The following SCUBE1 variants were observed in gnomAD, a reference collection of about 807,000 sequenced individuals.
The protein encoded by SCUBE1 is signal peptide, CUB domain and EGF like domain containing 1.
Under a neutral mutation model 124.4 loss-of-function variants are expected in SCUBE1, and 59 were observed. That is an observed-to-expected ratio of 0.47 (90% CI 0.38 to 0.59). The LOEUF (loss-of-function observed/expected upper bound fraction) is 0.59, where lower values mean the gene tolerates loss of function less well. Ranked by LOEUF, SCUBE1 falls within the 20% of genes least tolerant of loss-of-function variation. SCUBE1 has a pLI of 0.00. For synonymous variants in SCUBE1, 545 were observed against 550.9 expected, an observed-to-expected ratio of 0.99 and a Z score of 0.15; for missense variants, 1,150 against 1,371.2, an observed-to-expected ratio of 0.84 and a Z score of 2.55.
intron 19 of SCUBE1, 152 bp downstream of exon 19, chr22:43,209,891 C>T (rs1921466114): frequency 1.3e-6 from 1 of 757,116 alleles, no homozygotes; most frequent in Non-Finnish European, 2.0e-6. Flanking sequence ...TCAACCCTGC[C>T]TCCCAGGTGG....
intron 2 of SCUBE1, among the ~76,000 whole-genome samples, chr22:43,336,067 A>G (rs1204779804): frequency 6.6e-6 from 1 of 152,170 alleles, no homozygotes; most frequent in African/African-American, 2.4e-5. Flanking sequence ...TATATGGAGC[A>G]CACTCTACGG....
At position 43,336,853 on chromosome 22, in the gene SCUBE1, C is replaced by T. The variant is rs115674724; in HGVS notation, c.220+2251G>A. Among the ~76,000 whole-genome samples the T allele has an allele frequency of 5.0e-3, 754 of 152,192 alleles. 9 individuals are homozygous for T. The highest frequency in any genetic ancestry group is 0.017 in the African/African-American group (709 of 41,512). On this transcript the variant is annotated intron_variant, in intron 2 of 21. Transcript: ENST00000360835. ...TTAGCCTTCAGATTTAGACAGGATA[C>T]AGAAAGAAGGTAAGGAGCTCCAGGC...
Position 43,231,743 on chromosome 22 carries a change from AG to A in SCUBE1, c.967+9del. 2.5e-6 allele frequency: 4 copies of A among 1,572,792 alleles called. No homozygotes were observed. The highest frequency in any genetic ancestry group is 3.5e-6 in the Non-Finnish European group (4 of 1,158,904). On this transcript the variant is annotated intron_variant, in intron 8 of 21. Coordinates refer to ENST00000360835, the MANE Select transcript of SCUBE1 (RefSeq NM_173050.5). The stretch of plus-strand genomic sequence containing the variant: ...GCCCGAGAGCCACCCGGGGCATGGC[AG>A]GGGCTCACCCTGGCAGGTGCGCTCG...
At chr22:43,222,594 A>C in intron 12 of SCUBE1, 44 bp downstream of exon 12, 1 of 1,417,244 alleles carries the variant, frequency 7.1e-7, no homozygotes, top group Non-Finnish European at 9.6e-7. Context: ...GGATGCAGTC[A>C]AGTCACCCAG....
chr22:43,255,980 C>T lies in SCUBE1; in HGVS notation c.727+2239G>A, dbSNP rs891616644. Among the ~76,000 whole-genome samples the T allele has an allele frequency of 6.6e-6, 1 of 152,170 alleles. No individual in the cohort carries two copies. Among genetic ancestry groups the T allele is most frequent in the Non-Finnish European group, 1.5e-5 (1 of 68,036 alleles). On this transcript the variant is annotated intron_variant, in intron 6 of 21. Coordinates refer to ENST00000360835, the MANE Select transcript of SCUBE1 (RefSeq NM_173050.5). The surrounding 1 kb of genome is among the most constrained non-coding windows in gnomAD (Gnocchi z 4.7). ...CAAGTGATTACAGACCCCCGTGGCT[C>T]AGGCTGGAGAGGCAGGCACAGGACA...
Position 43,199,911 on chromosome 22 carries a change from G to C in SCUBE1, c.*4086C>G, listed in dbSNP as rs1601786134. ...TGCAGGCTGCCCTCAGCGGCTATAT[G>C]AGCCCTCAATCACGGAGGGCCTGGC... On this transcript the variant is annotated 3_prime_UTR_variant, in exon 22 of 22. Transcript: ENST00000360835. 6.6e-6 allele frequency: 1 copy of C among 152,302 alleles called. No homozygotes were observed. The highest frequency in any genetic ancestry group is 1.5e-5 in the Non-Finnish European group (1 of 68,112). The allele number at this position is 152,302 out of a possible 1,614,324, so 9.4% of individuals were successfully genotyped here.
intron 6 of SCUBE1, among the ~76,000 whole-genome samples, chr22:43,244,631 A>G (rs949972127): frequency 2.0e-5 from 3 of 152,188 alleles, no homozygotes; most frequent in African/African-American, 7.2e-5. Flanking sequence ...GTGGTGCACA[A>G]TGGGAAGTGG....
At chr22:43,237,992 T>A (rs1398882067) in intron 7 of SCUBE1, 1 of 152,528 alleles carries the variant, frequency 6.6e-6, no homozygotes, top group Non-Finnish European at 1.5e-5. Flanking sequence ...GGCCCACAGC[T>A]TCTTGGGGCT....
intron 12 of SCUBE1, among the ~76,000 whole-genome samples, chr22:43,222,098 G>A (rs1462409026): frequency 6.6e-6 from 1 of 152,046 alleles, no homozygotes; most frequent in East Asian, 1.9e-4. Context: ...GAAACATACA[G>A]AAATGCACCT....
intron 6 of SCUBE1, among the ~76,000 whole-genome samples, chr22:43,254,426 T>G (rs1791025671): frequency 6.6e-6 from 1 of 152,196 alleles, no homozygotes; most frequent in Non-Finnish European, 1.5e-5. Context: ...TGGGTCCCCC[T>G]GAGGTCCGCA....
chr22:43,263,845 T>C (rs535591732), intron 4 of SCUBE1, among the ~76,000 whole-genome samples: 38 of 152,230 alleles, frequency 2.5e-4, no homozygotes, highest in Non-Finnish European at 4.0e-4. Context: ...ATTGTTGGAA[T>C]GACGCAGAGT....
intron 1 of SCUBE1, 88 bp downstream of exon 1, chr22:43,343,086 G>C: frequency 3.4e-6 from 2 of 587,130 alleles, no homozygotes; most frequent in Non-Finnish European, 4.5e-6. Context: ...GCGAGCTCGG[G>C]ATCCGCGGGG....
intron 21 of SCUBE1, among the ~76,000 whole-genome samples, chr22:43,206,015 A>T (rs1257229580): frequency 8.1e-6 from 1 of 122,724 alleles, no homozygotes; most frequent in East Asian, 2.8e-4. Context: ...CCCTATATAC[A>T]TACCACACAC....
intron 3 of SCUBE1, among the ~76,000 whole-genome samples, chr22:43,298,107 G>A (rs372461083): frequency 1.3e-5 from 2 of 152,216 alleles, no homozygotes; most frequent in East Asian, 1.9e-4. Context: ...GCTATCTAGC[G>A]GCTCTTGCAA....
chr22:43,220,492 T>G lies in SCUBE1; in HGVS notation c.1645A>C (p.Thr549Pro), dbSNP rs564571462. The change falls in exon 14 of 22, where the codon ACA becomes CCA. Residue 549 changes from threonine (T) to proline (P), a missense_variant. Thr to Pro is a conservative substitution (Grantham distance 38, BLOSUM62 -1). Coordinates refer to ENST00000360835, the MANE Select transcript of SCUBE1 (RefSeq NM_173050.5). ...TTTGTCTCGATCTCAAACTCTGCTG[T>G]GATGTGGGACACCTCCTTGGATGGG... The part of the protein sequence containing the change: ...KSPSKEVSHI[T>P]AEFEIETKME... 3.7e-6 allele frequency: 6 copies of G among 1,614,134 alleles called. No individual in the cohort carries two copies. The Admixed American group carries it at 8.3e-5, about 22-fold the overall frequency.
chr22:43,205,720 CA>C, intron 21 of SCUBE1, among the ~76,000 whole-genome samples: 1 of 107,250 alleles, frequency 9.3e-6, no homozygotes, highest in Non-Finnish European at 1.9e-5. Context: ...ACCACACACT[CA>C]CCCCCACACA....
At chr22:43,291,487 G>GTACAGTGA (rs1005011676) in intron 3 of SCUBE1, among the ~76,000 whole-genome samples, 3 of 152,038 alleles carry the variant, frequency 2.0e-5, no homozygotes, top group African/African-American at 7.2e-5. Context: ...TGGTACAGTG[G>GTACAGTGA]TACAGTGGGT....
At chr22:43,339,401 G>T (rs1927193325) in intron 1 of SCUBE1, among the ~76,000 whole-genome samples, 166 bp from the exon 2 acceptor site, 2 of 152,064 alleles carry the variant, frequency 1.3e-5, no homozygotes, top group Admixed American at 1.3e-4. Flanking sequence ...GTGGCAACTG[G>T]TAGCATCTTT....
At chr22:43,313,678 T>C (rs1440370027) in intron 3 of SCUBE1, among the ~76,000 whole-genome samples, 1 of 152,190 alleles carries the variant, frequency 6.6e-6, no homozygotes, top group East Asian at 1.9e-4. Context: ...CTGTTATATT[T>C]GAGAAATTCC....
Sources: allele counts gnomAD v4.1 joint callset (sites outside exome capture counted in the v4.1 genomes callset), GRCh38; gene constraint gnomAD v4.1.1; non-coding constraint Gnocchi (gnomAD v3.1); transcripts MANE v1.5; gene names NCBI Gene and HGNC (gene_info 2026-07-23, HGNC 2026-07-21).